ALG13: variants seen among roughly 807,000 people sequenced by gnomAD.
The protein encoded by ALG13 is ALG13 UDP-N-acetylglucosaminyltransferase subunit.
Under a neutral mutation model 87.8 loss-of-function variants are expected in ALG13, and 11 were observed. The observed-to-expected ratio is 0.13, with a 90% CI of 0.08 to 0.21. The LOEUF is 0.21. ALG13 is among the 10% of genes least tolerant of loss of function. ALG13 has a pLI of 1.00. For synonymous variants in ALG13, 320 were observed against 306.3 expected, an observed-to-expected ratio of 1.04 and a Z score of -0.47; for missense variants, 756 against 866.1, an observed-to-expected ratio of 0.87 and a Z score of 1.60.
At chrX:111,715,686 C>T (rs1256211686) in intron 8 of ALG13, among the ~76,000 whole-genome samples, 1 of 112,170 alleles carries the variant, frequency 8.9e-6, no homozygotes, top group Non-Finnish European at 1.9e-5. Context: ...CCGCTGCACT[C>T]CAGCCTGGGC....
intron 5 of ALG13, among the ~76,000 whole-genome samples, chrX:111,710,091 A>G (rs981149093): frequency 2.8e-5 from 3 of 108,521 alleles, no homozygotes; most frequent in Non-Finnish European, 5.7e-5. Flanking sequence ...GTGCAGTGGC[A>G]GGATCACGGC....
intron 21 of ALG13, among the ~76,000 whole-genome samples, chrX:111,733,871 A>G (rs556303139): frequency 2.7e-5 from 3 of 112,052 alleles, no homozygotes; most frequent in East Asian, 2.8e-4. Context: ...GCGGTATCAC[A>G]TAATGGTTCT....
At position 111,722,788 on chromosome X, in the gene ALG13, A is replaced by G. The variant is rs1941541061; in HGVS notation, c.1436-5A>G. The G allele has an allele frequency of 1.7e-6, 2 of 1,176,762 alleles. No homozygotes were observed. The highest frequency in any genetic ancestry group is 2.3e-6 in the Non-Finnish European group (2 of 869,972). On this transcript the variant is annotated splice_region_variant and splice_polypyrimidine_tract_variant and intron_variant, in intron 12 of 26. Coordinates refer to ENST00000394780, the MANE Select transcript of ALG13 (RefSeq NM_001099922.3). ...TGAGCTTGAATCTTCATTTTCTTTT[A>G]ATAGAACTTCAAAAATCTGATTACA...
chrX:111,703,558 C>T (rs1938264213), intron 3 of ALG13, among the ~76,000 whole-genome samples: 1 of 111,955 alleles, frequency 8.9e-6, no homozygotes, highest in Non-Finnish European at 1.9e-5. Context: ...CTGGCAAAAA[C>T]TAATCTGTTT....
At chrX:111,756,999 A>G (rs1313100543) in intron 25 of ALG13, among the ~76,000 whole-genome samples, 1 of 112,082 alleles carries the variant, frequency 8.9e-6, no homozygotes, top group Non-Finnish European at 1.9e-5. Flanking sequence ...GAGATGCTGA[A>G]TAGATATTTC....
chrX:111,693,491 C>G (rs1936504413), intron 3 of ALG13, among the ~76,000 whole-genome samples: 1 of 110,568 alleles, frequency 9.0e-6, no homozygotes, highest in Admixed American at 9.7e-5. Flanking sequence ...AGCGATCCAC[C>G]CACCTCGGCC....
At chrX:111,700,245 A>AT (rs1006108966) in intron 3 of ALG13, among the ~76,000 whole-genome samples, 34 of 110,392 alleles carry the variant, frequency 3.1e-4, no homozygotes, top group South Asian at 1.1e-3. Context: ...AACTTTACTC[A>AT]TTTTTTTAAT....
At chrX:111,745,546 T>C (rs1391749958) in intron 24 of ALG13, among the ~76,000 whole-genome samples, 3 of 110,771 alleles carry the variant, frequency 2.7e-5, no homozygotes, top group East Asian at 2.8e-4. Flanking sequence ...CTTTTTTTTT[T>C]CCAACCCCTA....
At chrX:111,734,626 C>T (rs944714522) in intron 21 of ALG13, among the ~76,000 whole-genome samples, 1 of 111,843 alleles carries the variant, frequency 8.9e-6, no homozygotes, top group Non-Finnish European at 1.9e-5. Context: ...ATATTTGAAT[C>T]TTACAATATC....
intron 2 of ALG13, among the ~76,000 whole-genome samples, chrX:111,682,992 T>C (rs1933877660): frequency 9.0e-6 from 1 of 111,139 alleles, no homozygotes; most frequent in South Asian, 3.8e-4. Flanking sequence ...AGAAAGGTGT[T>C]TCGTTTTTTC....
chrX:111,759,271 A>C (rs1176547171), intron 26 of ALG13, among the ~76,000 whole-genome samples: 1 of 110,312 alleles, frequency 9.1e-6, no homozygotes, highest in Non-Finnish European at 1.9e-5. Context: ...AATGACATTC[A>C]GGAGATGACA....
chrX:111,697,730 T>A (rs1937161947), intron 3 of ALG13, among the ~76,000 whole-genome samples: 1 of 112,422 alleles, frequency 8.9e-6, no homozygotes, highest in Non-Finnish European at 1.9e-5. Flanking sequence ...TTACCACTTC[T>A]GGGCTTTTGT....
At position 111,726,918 on chromosome X, in the gene ALG13, C is replaced by A; in HGVS notation, c.1839C>A (p.Pro613=). ...GCAAGGGAGACCCCCTCCTCCCACC[C>A]AGGCTGCAGCACAGTATGCATTATG... ...AYGKGDPLLP[P]RLQHSMHYGH... The change falls in exon 16 of 27, where the codon CCC becomes CCA. Residue 613 remains proline (P), a synonymous_variant. Transcript: ENST00000394780. 1 of 1,211,643 alleles carries A rather than the reference C, an allele frequency of 8.3e-7. No individual in the cohort carries two copies. Among genetic ancestry groups the A allele is most frequent in the Non-Finnish European group, 1.1e-6 (1 of 895,436 alleles).
chrX:111,717,045 A>C (rs1940711944), intron 8 of ALG13: 1 of 110,482 alleles, frequency 9.1e-6, no homozygotes, highest in Non-Finnish European at 1.9e-5. Context: ...CCCTGGGCTC[A>C]AGTGACCCTC....
At chrX:111,757,088 ACCT>A (rs1945321803) in intron 25 of ALG13, among the ~76,000 whole-genome samples, 1 of 111,709 alleles carries the variant, frequency 9.0e-6, no homozygotes, top group Non-Finnish European at 1.9e-5. Context: ...AACTAAAATC[ACCT>A]CTATGATCAC....
chrX:111,710,545 CAGAA>C (rs963155791), intron 5 of ALG13, among the ~76,000 whole-genome samples: 56 of 111,618 alleles, frequency 5.0e-4, no homozygotes, highest in African/African-American at 1.8e-3. Context: ...TCTGTAGTGA[CAGAA>C]AGCAGATCAG....
At chrX:111,755,330 G>T (rs1276386014) in intron 25 of ALG13, among the ~76,000 whole-genome samples, 1 of 112,066 alleles carries the variant, frequency 8.9e-6, no homozygotes, top group Non-Finnish European at 1.9e-5. Context: ...AAAAACCCTA[G>T]AAGAAAACCT....
intron 24 of ALG13, among the ~76,000 whole-genome samples, chrX:111,750,946 G>A (rs1279920850): frequency 1.8e-5 from 2 of 110,852 alleles, no homozygotes; most frequent in Non-Finnish European, 3.8e-5. Context: ...TGAGATTACA[G>A]GCGTGAGCCA....
At chrX:111,727,288 A>G (rs2078883086) in intron 16 of ALG13, 44 bp from the exon 17 acceptor site, 1 of 1,015,036 alleles carries the variant, frequency 9.9e-7, no homozygotes, top group Admixed American at 2.4e-5. Context: ...CTACTTAGGT[A>G]TTAGTGAATA....
Sources: allele counts gnomAD v4.1 joint callset (sites outside exome capture counted in the v4.1 genomes callset), GRCh38; gene constraint gnomAD v4.1.1; transcripts MANE v1.5; gene names NCBI Gene and HGNC (gene_info 2026-07-23, HGNC 2026-07-21).